FAM107A: variants seen among roughly 807,000 people sequenced by gnomAD.
The protein encoded by FAM107A is family with sequence similarity 107 member A.
In FAM107A, 19 loss-of-function variants were observed where a neutral mutation model predicts 13.7. The observed-to-expected ratio is 1.38, with a 90% CI of 0.97 to 2.03. FAM107A has a LOEUF of 2.03. FAM107A is among the 30% of genes most tolerant of loss of function. The pLI, the probability that FAM107A is intolerant of heterozygous loss-of-function variation, is 0.00. For synonymous variants in FAM107A, 82 were observed against 74.5 expected (o/e 1.10, Z -0.52); for missense variants, 203 against 184.4 (o/e 1.10, Z -0.58).
At chr3:58,612,622 A>G (rs1223356830) in intron 1 of FAM107A, among the ~76,000 whole-genome samples, 1 of 151,818 alleles carries the variant, frequency 6.6e-6, no homozygotes, top group African/African-American at 2.4e-5. Flanking sequence ...GGAGGGGTGA[A>G]AATCTGCACA....
upstream of FAM107A, among the ~76,000 whole-genome samples, chr3:58,591,583 G>C (rs960746750): frequency 6.6e-6 from 1 of 152,162 alleles, no homozygotes; most frequent in African/African-American, 2.4e-5. The surrounding 1 kb of genome is among the most constrained non-coding windows in gnomAD (Gnocchi z 4.3). Context: ...AGCTTCTGCA[G>C]GAACTGTTCC....
chr3:58,568,456 G>GA (rs1276880549), intron 2 of FAM107A, among the ~76,000 whole-genome samples: 9 of 151,256 alleles, frequency 6.0e-5, no homozygotes, highest in African/African-American at 2.2e-4. Flanking sequence ...AAGAAAAAAA[G>GA]AAAAAAAACA....
intron 1 of FAM107A, among the ~76,000 whole-genome samples, chr3:58,575,774 G>A (rs1361030897): frequency 6.6e-6 from 1 of 152,196 alleles, no homozygotes; most frequent in African/African-American, 2.4e-5. Flanking sequence ...CTCTCACTGG[G>A]GAGCCCCAGC....
At chr3:58,608,493 A>G (rs956097083) in intron 1 of FAM107A, among the ~76,000 whole-genome samples, 29 of 152,222 alleles carry the variant, frequency 1.9e-4, no homozygotes, top group African/African-American at 6.0e-4. Flanking sequence ...CAACAGCAAC[A>G]ATTACCCTAA....
At chr3:58,571,547 C>A (rs964594202) in intron 1 of FAM107A, among the ~76,000 whole-genome samples, 1 of 152,084 alleles carries the variant, frequency 6.6e-6, no homozygotes, top group Non-Finnish European at 1.5e-5. Context: ...CTTAGAGTTA[C>A]TTTAAAATGG....
Position 58,569,766 on chromosome 3 carries a change from T to C in FAM107A, c.95A>G (p.Lys32Arg), listed in dbSNP as rs765634778. 1.9e-6 allele frequency: 3 copies of C among 1,614,154 alleles called. No homozygotes were observed. Among genetic ancestry groups the C allele is most frequent in the Middle Eastern group, 1.6e-4 (1 of 6,062 alleles). The change falls in exon 2 of 4, where the codon AAG becomes AGG. Residue 32 changes from lysine to arginine, a missense_variant. By Grantham distance (26) the Lys-to-Arg change is conservative (BLOSUM62 2). Transcript: ENST00000360997. This position sits in a 1 kb window ranked among gnomAD's most constrained non-coding sequence, Gnocchi z 5.7. ...GGCCTTCACGGGGTTCAGCAGCTTCTTGGGCTTGATGAGCTCCGGATTCCA... is the reference window on the plus strand; with the variant it reads ...GGCCTTCACGGGGTTCAGCAGCTTCCTGGGCTTGATGAGCTCCGGATTCCA... ...REWNPELIKPKKLLNPVKASR... is the reference protein window; with the variant it reads ...REWNPELIKPRKLLNPVKASR...
chr3:58,566,749 T>A lies in FAM107A; in HGVS notation c.328-54A>T, dbSNP rs555873791. ...TGGGTGGAGCTAGGGGGATTCCTAC[T>A]CTGAAAACCTGTGGAGTTTGGACCA... is the stretch of plus-strand genomic sequence containing the variant. On this transcript the variant is annotated intron_variant, in intron 3 of 3. Coordinates refer to ENST00000360997, the MANE Select transcript of FAM107A (RefSeq NM_001076778.3). The A allele has an allele frequency of 2.1e-6, 3 of 1,422,700 alleles. No homozygotes were observed. The South Asian group carries it at 3.5e-5, about 17-fold the overall frequency. The allele number at this position is 1,422,700 out of a possible 1,614,324, so 88.1% of individuals were successfully genotyped here. A position where few individuals can be genotyped will look rare whatever the true frequency, so the allele number is the denominator to read the frequency against.
chr3:58,566,720 G>A (rs2108034552), intron 3 of FAM107A, 25 bp from the exon 4 acceptor site: 1 of 1,552,920 alleles, frequency 6.4e-7, no homozygotes, highest in East Asian at 2.2e-5. Flanking sequence ...AGCAGAGAGT[G>A]AAGTGGGTGG....
chr3:58,567,890 A>T (rs1362187558), intron 2 of FAM107A, among the ~76,000 whole-genome samples: 1 of 152,122 alleles, frequency 6.6e-6, no homozygotes, highest in Non-Finnish European at 1.5e-5. Context: ...ACAACATTTG[A>T]TATGTTTACC....
intron 1 of FAM107A, among the ~76,000 whole-genome samples, chr3:58,620,577 A>G (rs1049205415): frequency 6.6e-6 from 1 of 152,298 alleles, no homozygotes; most frequent in East Asian, 1.9e-4. Flanking sequence ...CAGGATGGGG[A>G]AAGTTTTAGT....
intron 1 of FAM107A, among the ~76,000 whole-genome samples, chr3:58,586,545 T>C (rs113503625): frequency 2.6e-4 from 39 of 151,998 alleles, no homozygotes; most frequent in African/African-American, 9.2e-4. Flanking sequence ...AAAAATTAGC[T>C]GGGTGTGGTG....
At chr3:58,582,350 C>T (rs545463755), upstream of FAM107A, among the ~76,000 whole-genome samples, 2 of 152,188 alleles carry the variant, frequency 1.3e-5, no homozygotes, top group African/African-American at 2.4e-5. Flanking sequence ...CCTCTGGCTG[C>T]GGAGAAGAAG....
chr3:58,572,290 G>A (rs573356665), intron 1 of FAM107A, among the ~76,000 whole-genome samples: 1 of 152,290 alleles, frequency 6.6e-6, no homozygotes, highest in Admixed American at 6.5e-5. Context: ...ACTCTGCTGG[G>A]GAGGCCAACA....
At chr3:58,618,415 C>G (rs1454184657) in intron 1 of FAM107A, among the ~76,000 whole-genome samples, 3 of 152,218 alleles carry the variant, frequency 2.0e-5, no homozygotes, top group Non-Finnish European at 4.4e-5. Context: ...CTCTTTTTCT[C>G]TCCTGCCTCA....
intron 1 of FAM107A, among the ~76,000 whole-genome samples, chr3:58,620,921 T>C (rs1414882514): frequency 6.6e-6 from 1 of 152,196 alleles, no homozygotes; most frequent in Admixed American, 6.5e-5. Context: ...AATGCCCTTT[T>C]TGGCTGCAGC....
intron 1 of FAM107A, among the ~76,000 whole-genome samples, chr3:58,605,261 C>T (rs1037172789): frequency 6.6e-6 from 1 of 152,198 alleles, no homozygotes; most frequent in African/African-American, 2.4e-5. Context: ...ACTCTTAACC[C>T]TATAACAGCT....
chr3:58,589,237 A>T (rs1268847723), upstream of FAM107A: 3 of 1,535,398 alleles, frequency 2.0e-6, no homozygotes, highest in Middle Eastern at 1.7e-4. Flanking sequence ...TCTCATTTTC[A>T]CTATGAAATC....
intron 1 of FAM107A, among the ~76,000 whole-genome samples, chr3:58,625,344 A>G (rs2106647634): frequency 6.6e-6 from 1 of 152,300 alleles, no homozygotes; most frequent in East Asian, 1.9e-4. Context: ...GATTTCAACC[A>G]ACTGCCCCTC....
rs1015434696 is a variant in FAM107A, at chr3:58,617,653, T to A, written c.-70+9763A>T. On this transcript the variant is annotated intron_variant, in intron 1 of 3. Transcript: ENST00000465970. The surrounding 1 kb of genome is among the most constrained non-coding windows in gnomAD (Gnocchi z 4.5). ...GGAGCTGCGTTTTTGGGTTTCTGCCTGCGAGAAAACCGGCTTTTGATTTGG... is the reference window on the plus strand; with the variant it reads ...GGAGCTGCGTTTTTGGGTTTCTGCCAGCGAGAAAACCGGCTTTTGATTTGG... Among the ~76,000 whole-genome samples, 2 of 152,136 alleles carry A rather than the reference T, an allele frequency of 1.3e-5. No individual in the cohort carries two copies. Among genetic ancestry groups the A allele is most frequent in the African/African-American group, 4.8e-5 (2 of 41,434 alleles).
Sources: allele counts gnomAD v4.1 joint callset (sites outside exome capture counted in the v4.1 genomes callset), GRCh38; gene constraint gnomAD v4.1.1; non-coding constraint Gnocchi (gnomAD v3.1); transcripts MANE v1.5; gene names NCBI Gene and HGNC (gene_info 2026-07-23, HGNC 2026-07-21).